Variants in CADM1 observed in about 807,000 individuals in gnomAD.
CADM1 encodes the protein TSLC-1.
In CADM1, 15 loss-of-function variants were observed where a neutral mutation model predicts 53.1. The observed-to-expected ratio is 0.28, with a 90% confidence interval of 0.19 to 0.44. The LOEUF is 0.44. Ranked by LOEUF, CADM1 falls within the 20% of genes least tolerant of loss-of-function variation. CADM1 has a pLI of 1.00. For missense variants in CADM1, 434 were observed against 611.3 expected, an observed-to-expected ratio of 0.71 and a Z score of 3.06; for synonymous variants, 281 against 243.0, an observed-to-expected ratio of 1.16 and a Z score of -1.45.
At chr11:115,351,353 A>C (rs1285753633) in intron 1 of CADM1, among the ~76,000 whole-genome samples, 4 of 152,210 alleles carry the variant, frequency 2.6e-5, no homozygotes, top group African/African-American at 9.6e-5. Context: ...GGAAACGACA[A>C]ATCTGACAAC....
At chr11:115,426,028 T>C (rs1947882852) in intron 1 of CADM1, among the ~76,000 whole-genome samples, 1 of 152,098 alleles carries the variant, frequency 6.6e-6, no homozygotes, top group South Asian at 2.1e-4. Flanking sequence ...CGGGAACAGA[T>C]GCAGCCCGAC....
At chr11:115,385,808 A>T (rs867665012) in intron 1 of CADM1, among the ~76,000 whole-genome samples, 1 of 152,202 alleles carries the variant, frequency 6.6e-6, no homozygotes, top group African/African-American at 2.4e-5. Flanking sequence ...GCCTCCCTTC[A>T]TCTAAATTTC....
chr11:115,474,825 T>A (rs905098048), intron 1 of CADM1, among the ~76,000 whole-genome samples: 7 of 152,134 alleles, frequency 4.6e-5, no homozygotes, highest in African/African-American at 1.7e-4. Flanking sequence ...TGTGCACATG[T>A]ACCCTAAAAC....
chr11:115,306,387 G>A (rs937826637), intron 1 of CADM1, among the ~76,000 whole-genome samples: 1 of 151,958 alleles, frequency 6.6e-6, no homozygotes, highest in African/African-American at 2.4e-5. Context: ...TTCACACAAT[G>A]ACAAAATTGC....
intron 5 of CADM1, among the ~76,000 whole-genome samples, chr11:115,219,001 C>G (rs1591615407): frequency 1.0e-5 from 1 of 99,144 alleles, no homozygotes; most frequent in Non-Finnish European, 2.7e-5. Context: ...AACTAACAAG[C>G]TATTAATCCC....
intron 1 of CADM1, among the ~76,000 whole-genome samples, chr11:115,406,564 CATA>C (rs1357143792): frequency 1.7e-4 from 25 of 147,470 alleles, no homozygotes; most frequent in African/African-American, 5.4e-4. Flanking sequence ...TATATAATTA[CATA>C]ATATTATATA....
At chr11:115,477,302 TC>T (rs1949156863) in intron 1 of CADM1, among the ~76,000 whole-genome samples, 1 of 152,230 alleles carries the variant, frequency 6.6e-6, no homozygotes, top group Non-Finnish European at 1.5e-5. Context: ...CTGCCTTAAA[TC>T]TTATCCAAGG....
At chr11:115,442,892 A>G (rs1285878807) in intron 1 of CADM1, among the ~76,000 whole-genome samples, 1 of 152,210 alleles carries the variant, frequency 6.6e-6, no homozygotes, top group Non-Finnish European at 1.5e-5. Context: ...GTTCCCAGCC[A>G]AAAGAATCCA....
chr11:115,497,781 C>T (rs1423457905), intron 1 of CADM1, among the ~76,000 whole-genome samples: 1 of 152,030 alleles, frequency 6.6e-6, no homozygotes, highest in Non-Finnish European at 1.5e-5. Flanking sequence ...GTAGGCATTC[C>T]TTTGTGCTTT....
chr11:115,404,503 T>C (rs1947262353), intron 1 of CADM1, among the ~76,000 whole-genome samples: 1 of 146,736 alleles, frequency 6.8e-6, no homozygotes, highest in Non-Finnish European at 1.5e-5. Context: ...ACCTCAGAAG[T>C]AGGAAAGGCT....
chr11:115,441,490 T>G (rs1443454486), intron 1 of CADM1, among the ~76,000 whole-genome samples: 1 of 152,170 alleles, frequency 6.6e-6, no homozygotes, highest in African/African-American at 2.4e-5. Flanking sequence ...AAGAAAAGAT[T>G]AAGCTCACTG....
chr11:115,369,873 A>G (rs1466803935), intron 1 of CADM1, among the ~76,000 whole-genome samples: 1 of 152,202 alleles, frequency 6.6e-6, no homozygotes, highest in African/African-American at 2.4e-5. Flanking sequence ...CAATTCTGAA[A>G]TGCTGCCACG....
chr11:115,380,800 T>C (rs1407073233), intron 1 of CADM1, among the ~76,000 whole-genome samples: 1 of 152,164 alleles, frequency 6.6e-6, no homozygotes, highest in Non-Finnish European at 1.5e-5. Flanking sequence ...GAGAATCAAA[T>C]CATCTCCAGG....
intron 1 of CADM1, among the ~76,000 whole-genome samples, chr11:115,453,754 C>T (rs937015201): frequency 1.3e-5 from 2 of 152,180 alleles, no homozygotes; most frequent in African/African-American, 4.8e-5. Flanking sequence ...CCACCTCGCC[C>T]TCCCAAAACT....
chr11:115,302,144 C>A (rs1944241961), intron 1 of CADM1, among the ~76,000 whole-genome samples: 1 of 151,702 alleles, frequency 6.6e-6, no homozygotes, highest in African/African-American at 2.4e-5. Flanking sequence ...CACACCGGGG[C>A]CTATTGGAGG....
chr11:115,182,775 CT>C (rs1350321189), intron 10 of CADM1, among the ~76,000 whole-genome samples: 1 of 152,318 alleles, frequency 6.6e-6, no homozygotes, highest in East Asian at 1.9e-4. Context: ...TGGTACAACC[CT>C]CCCTGCCTGT....
chr11:115,239,888 G>C (rs1218573547), intron 2 of CADM1, among the ~76,000 whole-genome samples: 1 of 152,018 alleles, frequency 6.6e-6, no homozygotes, highest in African/African-American at 2.4e-5. Flanking sequence ...GAGAAGACTT[G>C]GTTTTATGCT....
At chr11:115,182,742 G>T (rs1203623373) in intron 10 of CADM1, among the ~76,000 whole-genome samples, 2 of 152,228 alleles carry the variant, frequency 1.3e-5, no homozygotes, top group Admixed American at 1.3e-4. Context: ...TTGCAGGGAG[G>T]TGTTCCTGAC....
At chr11:115,338,069 T>C (rs1035417645) in intron 1 of CADM1, among the ~76,000 whole-genome samples, 1 of 151,890 alleles carries the variant, frequency 6.6e-6, no homozygotes, top group African/African-American at 2.4e-5. Context: ...AGTAGATGAA[T>C]TGAGAGAAAG....
Sources: allele counts gnomAD v4.1 joint callset (sites outside exome capture counted in the v4.1 genomes callset), GRCh38; gene constraint gnomAD v4.1.1; transcripts MANE v1.5; gene names NCBI Gene and HGNC (gene_info 2026-07-23, HGNC 2026-07-21).